Variants in CRPPA observed in about 807,000 individuals in gnomAD.
CRPPA encodes D-ribitol-5-phosphate cytidylyltransferase.
CRPPA carries 43 observed loss-of-function variants against 52.0 expected under a neutral mutation model. That is an observed-to-expected ratio of 0.83 (90% confidence interval 0.65 to 1.07). CRPPA has a LOEUF of 1.07. Ranked by LOEUF, CRPPA falls within the 50% of genes least tolerant of loss-of-function variation. The pLI is 0.00. For missense variants in CRPPA, 629 were observed against 551.7 expected, an observed-to-expected ratio of 1.14 and a Z score of -1.40; for synonymous variants, 250 against 203.5, an observed-to-expected ratio of 1.23 and a Z score of -1.94.
intron 9 of CRPPA, among the ~76,000 whole-genome samples, chr7:16,125,358 C>T (rs375529243): frequency 6.6e-6 from 1 of 151,876 alleles, no homozygotes; most frequent in Non-Finnish European, 1.5e-5. Context: ...TTCTCCCTTG[C>T]CCCCCAGTCA....
intron 9 of CRPPA, among the ~76,000 whole-genome samples, chr7:16,189,619 A>T (rs748130114): frequency 1.6e-4 from 24 of 152,228 alleles, no homozygotes; most frequent in Non-Finnish European, 3.2e-4. Context: ...TACATTAAAT[A>T]CAACTGTTAT....
intron 2 of CRPPA, among the ~76,000 whole-genome samples, chr7:16,386,229 C>T (rs1306099767): frequency 6.6e-6 from 1 of 152,100 alleles, no homozygotes; most frequent in African/African-American, 2.4e-5. Flanking sequence ...CTCTGACCAC[C>T]CCCAGCTGAA....
At chr7:16,125,758 G>A (rs912470517) in intron 9 of CRPPA, among the ~76,000 whole-genome samples, 1 of 152,038 alleles carries the variant, frequency 6.6e-6, no homozygotes, top group African/African-American at 2.4e-5. Flanking sequence ...ATTGTTGTAA[G>A]AATTTATTTT....
chr7:16,327,757 G>A (rs1785451327), intron 3 of CRPPA, among the ~76,000 whole-genome samples: 1 of 152,052 alleles, frequency 6.6e-6, no homozygotes, highest in Non-Finnish European at 1.5e-5. Flanking sequence ...TAAAATTGAT[G>A]CTTATTAAGA....
intron 2 of CRPPA, among the ~76,000 whole-genome samples, chr7:16,393,298 A>T (rs905201203): frequency 6.6e-6 from 1 of 152,182 alleles, no homozygotes; most frequent in African/African-American, 2.4e-5. Flanking sequence ...TGGTTTATGA[A>T]GTATACTTAA....
chr7:16,340,602 G>C (rs1785798222), intron 3 of CRPPA, among the ~76,000 whole-genome samples: 1 of 104,866 alleles, frequency 9.5e-6, no homozygotes. Context: ...ATAATGTGGA[G>C]CAAAAAAAAA....
chr7:16,415,290 T>C (rs1393207992), intron 1 of CRPPA, among the ~76,000 whole-genome samples: 2 of 152,200 alleles, frequency 1.3e-5, no homozygotes, highest in African/African-American at 4.8e-5. Context: ...TTTAGAAGAA[T>C]AGCTACTTTA....
At chr7:16,327,720 GT>G (rs1785450579) in intron 3 of CRPPA, among the ~76,000 whole-genome samples, 1 of 150,224 alleles carries the variant, frequency 6.7e-6, no homozygotes, top group Non-Finnish European at 1.5e-5. Context: ...TATTAAAAAT[GT>G]TCAAATTAAA....
intron 8 of CRPPA, among the ~76,000 whole-genome samples, chr7:16,244,513 C>T (rs560925650): frequency 1.1e-4 from 16 of 152,114 alleles, no homozygotes; most frequent in Non-Finnish European, 2.1e-4. Context: ...TACTTGAGAA[C>T]GTAAGAGACA....
chr7:16,150,048 A>AT (rs1783047709), intron 9 of CRPPA, among the ~76,000 whole-genome samples: 1 of 151,758 alleles, frequency 6.6e-6, no homozygotes, highest in Non-Finnish European at 1.5e-5. Context: ...GATACAGCTT[A>AT]TTTTTTTAAC....
chr7:16,239,137 C>CAAGAAAAAAA (rs1783032532), intron 8 of CRPPA, among the ~76,000 whole-genome samples: 1 of 88,526 alleles, frequency 1.1e-5, no homozygotes, highest in South Asian at 4.1e-4. Context: ...GACTCTGTCT[C>CAAGAAAAAAA]AAAAAAAAAA....
intron 5 of CRPPA, among the ~76,000 whole-genome samples, chr7:16,298,018 G>C (rs1279177570): frequency 6.6e-6 from 1 of 152,216 alleles, no homozygotes; most frequent in East Asian, 1.9e-4. Context: ...AGCTCTCATA[G>C]TATGCTATAT....
intron 1 of CRPPA, among the ~76,000 whole-genome samples, chr7:16,413,755 A>C (rs1296789815): frequency 6.6e-6 from 1 of 152,246 alleles, no homozygotes; most frequent in Non-Finnish European, 1.5e-5. Flanking sequence ...AAGTTAATAT[A>C]CTGAAACACA....
At chr7:16,225,962 GA>G (rs1025561079) in intron 8 of CRPPA, among the ~76,000 whole-genome samples, 14 of 150,808 alleles carry the variant, frequency 9.3e-5, no homozygotes, top group African/African-American at 3.2e-4. Context: ...AGAATACACA[GA>G]AAAAAAAATA....
At chr7:16,410,247 T>A (rs1164768609) in intron 1 of CRPPA, among the ~76,000 whole-genome samples, 2 of 152,128 alleles carry the variant, frequency 1.3e-5, no homozygotes, top group Admixed American at 1.3e-4. Context: ...ACTTCAGAAC[T>A]CCAAAGAACA....
At chr7:16,286,210 G>T (rs76365171) in intron 5 of CRPPA, among the ~76,000 whole-genome samples, 5,487 of 147,922 alleles carry the variant, frequency 0.037, 340 homozygotes, top group African/African-American at 0.13. Context: ...CCAGATATTT[G>T]GTCAAATATT....
At chr7:16,103,659 C>T (rs1782093365) in intron 9 of CRPPA, among the ~76,000 whole-genome samples, 1 of 152,162 alleles carries the variant, frequency 6.6e-6, no homozygotes, top group Non-Finnish European at 1.5e-5. Context: ...TATACTAACA[C>T]ACCCAAGTCT....
Position 16,089,840 on chromosome 7 carries a change from C to G in CRPPA, c.*1855G>C, listed in dbSNP as rs111577730. 466 of 165,816 alleles carry G rather than the reference C, an allele frequency of 2.8e-3. 2 individuals are homozygous for G. The highest frequency in any genetic ancestry group is 0.011 in the African/African-American group (452 of 41,760). 10.3% of individuals were successfully genotyped at this position (165,816 alleles called of 1,614,324 possible). ...GAAGTCTATGTTAACTCAGCCAGCA[C>G]TCCAGCGATCAGGGTGATTTTGCTG... On this transcript the variant is annotated 3_prime_UTR_variant, in exon 10 of 10. Coordinates refer to ENST00000407010, the MANE Select transcript of CRPPA (RefSeq NM_001101426.4).
intron 1 of CRPPA, among the ~76,000 whole-genome samples, chr7:16,406,831 C>T (rs1462396769): frequency 6.6e-6 from 1 of 152,174 alleles, no homozygotes; most frequent in African/African-American, 2.4e-5. Flanking sequence ...TTAGCTAACA[C>T]AAGCCTTGCT....
Sources: gnomAD v4.1 joint callset for allele counts (sites outside exome capture counted in the v4.1 genomes callset) on GRCh38, gnomAD v4.1.1 for gene constraint, MANE v1.5 for transcripts, NCBI Gene and HGNC (gene_info 2026-07-23, HGNC 2026-07-21) for gene names.